The following TNRC6A variants were observed in gnomAD, a reference collection of about 807,000 sequenced individuals.
The protein encoded by TNRC6A is trinucleotide repeat-containing gene 6A protein.
TNRC6A carries 44 observed loss-of-function variants against 221.2 expected under a neutral mutation model. That is an observed-to-expected ratio of 0.20 (90% CI 0.16 to 0.26). TNRC6A has a LOEUF of 0.26. Among genes scored for constraint, TNRC6A ranks in the 10% least tolerant of loss-of-function variants. The pLI is 1.00. For missense variants in TNRC6A, 2,199 were observed against 2,404.4 expected, an observed-to-expected ratio of 0.91 and a Z score of 1.79; for synonymous variants, 847 against 838.5, an observed-to-expected ratio of 1.01 and a Z score of -0.18.
chr16:24,816,710 G>A (rs2058665984), intron 19 of TNRC6A, 106 bp from the exon 20 acceptor site: 1 of 1,323,546 alleles, frequency 7.6e-7, no homozygotes, highest in African/African-American at 1.5e-5. Context: ...AAATTGGAAA[G>A]TATTTGAGAG....
At chr16:24,674,987 A>G (rs1035448690) in intron 2 of TNRC6A, among the ~76,000 whole-genome samples, 1 of 151,942 alleles carries the variant, frequency 6.6e-6, no homozygotes, top group South Asian at 2.1e-4. Flanking sequence ...AAAAACAAAA[A>G]TTTTTTTAAT....
At chr16:24,768,322 A>G (rs942407944) in intron 4 of TNRC6A, among the ~76,000 whole-genome samples, 2 of 150,574 alleles carry the variant, frequency 1.3e-5, no homozygotes, top group African/African-American at 4.9e-5. Context: ...AGTCCCAGCT[A>G]CTCGGGAGGC....
At chr16:24,679,776 A>C (rs1201059107) in intron 2 of TNRC6A, among the ~76,000 whole-genome samples, 1 of 149,160 alleles carries the variant, frequency 6.7e-6, no homozygotes, top group Admixed American at 6.7e-5. Flanking sequence ...CCCACCTGGC[A>C]ATTTTATTTT....
intron 1 of TNRC6A, among the ~76,000 whole-genome samples, chr16:24,633,301 G>T (rs1338321892): frequency 6.6e-6 from 1 of 152,122 alleles, no homozygotes; most frequent in African/African-American, 2.4e-5. Context: ...ACAGTGCTTT[G>T]ATCTAAAGTG....
Position 24,729,682 on chromosome 16 carries a change from TGTCGGCGGCGGCGGCGGCGGCGGC to T in TNRC6A, c.-158_-135del. ...GGTCTGGGGCCTGCGGCGGCGGCGGTGTCGGCGGCGGCGGCGGCGGCGGCGGCGGCGGCGGCAGCGGGTCGGTGT... is the reference window on the plus strand; with the variant it reads ...GGTCTGGGGCCTGCGGCGGCGGCGGTGGCGGCGGCGGCAGCGGGTCGGTGT... On this transcript the variant is annotated 5_prime_UTR_variant, in exon 1 of 25. Coordinates refer to ENST00000395799, the MANE Select transcript of TNRC6A (RefSeq NM_014494.4). The T allele has an allele frequency of 1.5e-6, 1 of 677,826 alleles. No homozygotes were observed. Among genetic ancestry groups the T allele is most frequent in the Non-Finnish European group, 2.0e-6 (1 of 501,670 alleles). 42.0% of individuals were successfully genotyped at this position (677,826 alleles called of 1,614,324 possible).
At chr16:24,792,286 A>G (rs1056690053) in intron 6 of TNRC6A, among the ~76,000 whole-genome samples, 2 of 152,208 alleles carry the variant, frequency 1.3e-5, no homozygotes, top group Non-Finnish European at 2.9e-5. Flanking sequence ...TTGTGTATTT[A>G]AAACATTTGA....
chr16:24,823,077 G>T lies in TNRC6A; in HGVS notation c.5513+64G>T. On this transcript the variant is annotated intron_variant, in intron 24 of 24. Coordinates refer to ENST00000395799, the MANE Select transcript of TNRC6A (RefSeq NM_014494.4). The surrounding 1 kb of genome is among the most constrained non-coding windows in gnomAD (Gnocchi z 4.3). ...GGGAAGGAGTGTGAGAGCACAGCCT[G>T]ACCCGGGGCAGTGCACAGGGTCCTG... is the stretch of plus-strand genomic sequence containing the variant. The T allele has an allele frequency of 6.2e-7, 1 of 1,606,912 alleles. No individual in the cohort carries two copies. The highest frequency in any genetic ancestry group is 8.5e-7 in the Non-Finnish European group (1 of 1,175,548).
At chr16:24,750,697 G>T in intron 2 of TNRC6A, 29 bp from the exon 3 acceptor site, 1 of 1,487,160 alleles carries the variant, frequency 6.7e-7, no homozygotes, top group Non-Finnish European at 8.9e-7. Context: ...ATACATTTTG[G>T]GAAACTTAAT....
At chr16:24,622,093 A>T (rs1194996378) in intron 1 of TNRC6A, among the ~76,000 whole-genome samples, 1 of 150,690 alleles carries the variant, frequency 6.6e-6, no homozygotes, top group East Asian at 1.9e-4. Flanking sequence ...TGTCTGGCCA[A>T]CCAGTGTTTT....
chr16:24,613,903 G>T (rs1046623453), intron 1 of TNRC6A, among the ~76,000 whole-genome samples: 5 of 152,132 alleles, frequency 3.3e-5, no homozygotes, highest in African/African-American at 1.2e-4. Flanking sequence ...AACACAAGAG[G>T]TATATCAGTT....
intron 2 of TNRC6A, among the ~76,000 whole-genome samples, chr16:24,680,167 T>G (rs62027073): frequency 0.23 from 35,015 of 151,892 alleles, 4,158 homozygotes; most frequent in South Asian, 0.27. Flanking sequence ...AGTGGTTCTT[T>G]CCTGTTACCC....
intron 2 of TNRC6A, among the ~76,000 whole-genome samples, chr16:24,684,047 A>G (rs1300129096): frequency 2.0e-5 from 3 of 152,194 alleles, no homozygotes; most frequent in Non-Finnish European, 4.4e-5. Flanking sequence ...CAACTCTGCC[A>G]TTGTAGTGCA....
rs869133147 is a variant in TNRC6A at position 24,613,438 on chromosome 16, C to CATTTTATTTTATTTT, written n.276+3034_276+3048dup. 2.7e-4 allele frequency among the ~76,000 whole-genome samples: 29 copies of CATTTTATTTTATTTT among 107,132 alleles called. No homozygotes were observed. The East Asian group carries it at 2.8e-3, about 10-fold the overall frequency. The allele number at this position is 107,132 out of a possible 152,430, so 70.3% of individuals were successfully genotyped here. A position where few individuals can be genotyped will look rare whatever the true frequency, so the allele number is the denominator to read the frequency against. ...TGGGATCAATGAGCAACTATTAAAG[C>CATTTTATTTTATTTT]ATTTTATTTTATTTTATTTTATTTT... On this transcript the variant is annotated intron_variant and non_coding_transcript_variant, in intron 1 of 2. Transcript: ENST00000566108.
chr16:24,661,628 G>A (rs1205972450), intron 2 of TNRC6A: 3 of 152,080 alleles, frequency 2.0e-5, no homozygotes, highest in Admixed American at 6.6e-5. Context: ...TGGCCAGGAT[G>A]GTCTCGATCT....
At chr16:24,763,399 C>T (rs1308939748) in intron 4 of TNRC6A, among the ~76,000 whole-genome samples, 1 of 152,148 alleles carries the variant, frequency 6.6e-6, no homozygotes, top group Non-Finnish European at 1.5e-5. Context: ...TCATAGCACA[C>T]AGTTTAGCCT....
At chr16:24,667,199 A>C (rs1211988704) in intron 2 of TNRC6A, among the ~76,000 whole-genome samples, 3 of 152,130 alleles carry the variant, frequency 2.0e-5, no homozygotes, top group Non-Finnish European at 2.9e-5. Context: ...TTCTGGTCTC[A>C]TCTGGACTTT....
chr16:24,765,220 A>G (rs2057447963), intron 4 of TNRC6A, among the ~76,000 whole-genome samples: 1 of 152,210 alleles, frequency 6.6e-6, no homozygotes, highest in African/African-American at 2.4e-5. Flanking sequence ...ATGGCTTCAT[A>G]GGGGTTACTG....
At chr16:24,710,201 G>A (rs1302184202) in intron 2 of TNRC6A, among the ~76,000 whole-genome samples, 1 of 150,198 alleles carries the variant, frequency 6.7e-6, no homozygotes, top group African/African-American at 2.5e-5. Flanking sequence ...CTCCAGCCTG[G>A]GCAACAAGAG....
At chr16:24,779,853 T>C (rs994839925) in intron 5 of TNRC6A, among the ~76,000 whole-genome samples, 12 of 152,234 alleles carry the variant, frequency 7.9e-5, no homozygotes, top group African/African-American at 2.9e-4. Context: ...TTGGCTTTTT[T>C]ACATTCTCAT....
Sources: gnomAD v4.1 joint callset for allele counts (sites outside exome capture counted in the v4.1 genomes callset) on GRCh38, gnomAD v4.1.1 for gene constraint, Gnocchi (gnomAD v3.1) non-coding constraint, MANE v1.5 for transcripts, NCBI Gene and HGNC (gene_info 2026-07-23, HGNC 2026-07-21) for gene names.